The following HNRNPUL1 variants were observed in gnomAD, a reference collection of about 807,000 sequenced individuals.
HNRNPUL1 encodes heterogeneous nuclear ribonucleoprotein U-like protein 1.
A neutral mutation model predicts 108.5 loss-of-function variants in HNRNPUL1; 14 were observed. The observed-to-expected ratio is 0.13, with a 90% CI of 0.09 to 0.20. The LOEUF is 0.20. Ranked by LOEUF, HNRNPUL1 falls within the 10% of genes least tolerant of loss-of-function variation. HNRNPUL1 has a pLI of 1.00. For synonymous variants in HNRNPUL1, 422 were observed against 445.2 expected (o/e 0.95, Z 0.66); for missense variants, 804 against 1,168.3 (o/e 0.69, Z 4.55).
Position 41,294,758 on chromosome 19 carries a change from G to T in HNRNPUL1, c.1518+72G>T. 2 of 1,574,854 alleles carry T rather than the reference G, an allele frequency of 1.3e-6. No homozygotes were observed. Among genetic ancestry groups the T allele is most frequent in the Non-Finnish European group, 1.7e-6 (2 of 1,147,536 alleles). ...CTTGCATGCCTGAGAATCTCCCTCT[G>T]GTCCCTTTCTTTTTTCCCCCGTAAT... On this transcript the variant is annotated intron_variant, in intron 10 of 14. Coordinates refer to ENST00000392006, the MANE Select transcript of HNRNPUL1 (RefSeq NM_007040.6). This position sits in a 1 kb window ranked among gnomAD's most constrained non-coding sequence, Gnocchi z 4.3.
chr19:41,297,481 A>G (rs2036958898), intron 10 of HNRNPUL1, among the ~76,000 whole-genome samples: 1 of 152,214 alleles, frequency 6.6e-6, no homozygotes, highest in Non-Finnish European at 1.5e-5. Flanking sequence ...ACATTGCTTC[A>G]GGTGTCTCTT....
chr19:41,274,816 TAGTA>T (rs2035452667), intron 4 of HNRNPUL1, among the ~76,000 whole-genome samples: 1 of 152,234 alleles, frequency 6.6e-6, no homozygotes, highest in South Asian at 2.1e-4. Context: ...CTACATGCTT[TAGTA>T]AGAGATAAAA....
chr19:41,304,426 C>G lies in HNRNPUL1; in HGVS notation c.2262+165C>G, dbSNP rs1032534933. Among the ~76,000 whole-genome samples, 5 of 152,272 alleles carry G rather than the reference C, an allele frequency of 3.3e-5. No individual in the cohort carries two copies. The East Asian group carries it at 9.7e-4, about 29-fold the overall frequency. On this transcript the variant is annotated intron_variant, in intron 13 of 14. Coordinates refer to ENST00000392006, the MANE Select transcript of HNRNPUL1 (RefSeq NM_007040.6). The stretch of plus-strand genomic sequence containing the variant: ...TTTCTCCCTGGCCGTGATCTTGACT[C>G]AGATGGACCCTACACATTCCCAGAT...
chr19:41,272,694 G>A (rs1216190968), intron 3 of HNRNPUL1, among the ~76,000 whole-genome samples: 3 of 152,178 alleles, frequency 2.0e-5, no homozygotes, highest in African/African-American at 7.2e-5. Flanking sequence ...AGTGGGTTTT[G>A]CCTTCTGTTG....
At position 41,274,070 on chromosome 19, in the gene HNRNPUL1, T is replaced by A. The variant is rs1204958030; in HGVS notation, c.646+15T>A. ...TATTGACACCTGTAAGTCTTTGGAG[T>A]GTGCATCTAATTCTGCCTTACAGTC... On this transcript the variant is annotated intron_variant, in intron 4 of 14. Transcript: ENST00000392006. 6.2e-7 allele frequency: 1 copy of A among 1,606,220 alleles called. No homozygotes were observed. Among genetic ancestry groups the A allele is most frequent in the East Asian group, 2.2e-5 (1 of 44,860 alleles).
intron 7 of HNRNPUL1, among the ~76,000 whole-genome samples, chr19:41,289,767 C>T (rs2036475438): frequency 7.5e-6 from 1 of 133,344 alleles, no homozygotes; most frequent in Admixed American, 8.4e-5. Flanking sequence ...GGCTGGAGTG[C>T]TGTGACATGA....
chr19:41,281,182 T>C lies in HNRNPUL1; in HGVS notation c.906T>C (p.Tyr302=), dbSNP rs540686842. ...CGTCAGGCGAAGAGCCTTTCTCCTATGGCTATGGAGGCACTGGGAAGAAGT... is the reference window on the plus strand; with the variant it reads ...CGTCAGGCGAAGAGCCTTTCTCCTACGGCTATGGAGGCACTGGGAAGAAGT... The part of the protein sequence containing the change: ...STQLGEEPFS[Y]GYGGTGKKST... Residue 302 remains tyrosine (Y), a synonymous_variant, in exon 7 of 15, where the codon TAT becomes TAC. Transcript: ENST00000392006. 54 of 1,613,716 alleles carry C rather than the reference T, an allele frequency of 3.3e-5. No individual in the cohort carries two copies. The South Asian group carries it at 4.8e-4, about 14-fold the overall frequency.
chr19:41,264,250 GA>G (rs942821142), upstream of HNRNPUL1: 1 of 373,158 alleles, frequency 2.7e-6, no homozygotes, highest in Non-Finnish European at 4.8e-6. Flanking sequence ...CCGTTGTTTT[GA>G]AAACGGCGCT....
rs2034675363 is a variant in HNRNPUL1, at chr19:41,264,422, G to T, written c.-82G>T. 4.2e-6 allele frequency: 5 copies of T among 1,176,808 alleles called. No homozygotes were observed. The East Asian group carries it at 1.6e-4, about 37-fold the overall frequency. 72.9% of individuals were successfully genotyped at this position (1,176,808 alleles called of 1,614,324 possible). A position where few individuals can be genotyped will look rare whatever the true frequency, so the allele number is the denominator to read the frequency against. On this transcript the variant is annotated 5_prime_UTR_variant, in exon 1 of 15. Transcript: ENST00000392006. Reference sequence around the variant, plus strand: ...GTGGGCCCCCCCCCTTTCCCCCTTCGCCTCCTGACAGGAAAGGTTTAAGGG... The same window carrying T: ...GTGGGCCCCCCCCCTTTCCCCCTTCTCCTCCTGACAGGAAAGGTTTAAGGG...
chr19:41,290,139 C>T (rs955013704), intron 7 of HNRNPUL1, among the ~76,000 whole-genome samples: 6 of 152,108 alleles, frequency 3.9e-5, no homozygotes, highest in Admixed American at 1.3e-4. Context: ...GTGCTTCTGT[C>T]GCTTCTTGAA....
intron 13 of HNRNPUL1, among the ~76,000 whole-genome samples, chr19:41,304,866 G>A (rs12972266): frequency 0.15 from 22,280 of 152,192 alleles, 1,882 homozygotes; most frequent in East Asian, 0.27. Context: ...GCTGCCAGGA[G>A]ACCAATGGAT....
chr19:41,272,708 C>T (rs1973910715), intron 3 of HNRNPUL1, among the ~76,000 whole-genome samples: 1 of 152,152 alleles, frequency 6.6e-6, no homozygotes, highest in South Asian at 2.1e-4. Context: ...TCTGTTGTTC[C>T]AGTGTGGGGA....
intron 1 of HNRNPUL1, among the ~76,000 whole-genome samples, chr19:41,267,895 T>C (rs756242428): frequency 2.0e-5 from 3 of 152,256 alleles, no homozygotes; most frequent in Non-Finnish European, 4.4e-5. Flanking sequence ...ATTACCTGTG[T>C]ATCCTTTGAA....
intron 6 of HNRNPUL1, 63 bp from the exon 7 acceptor site, chr19:41,281,100 C>A: frequency 2.1e-6 from 2 of 959,398 alleles, no homozygotes; most frequent in Non-Finnish European, 1.7e-6. Flanking sequence ...AAGTATGTGG[C>A]AGCCATTGAG....
chr19:41,301,821 T>C (rs1599852162), intron 11 of HNRNPUL1, 117 bp downstream of exon 11: 2 of 925,724 alleles, frequency 2.2e-6, no homozygotes. Flanking sequence ...TCTTACTCTT[T>C]CTTTGCTTCT....
In HNRNPUL1 at chr19:41,282,285, C is replaced by T. The variant is rs565774545; in HGVS notation, c.999+1010C>T. ...ACAATCTCCGCCTCCTGGGTTCAAG[C>T]GATTCTCCTGCCTCAGCCCCCTGAG... On this transcript the variant is annotated intron_variant, in intron 7 of 14. Transcript: ENST00000392006. Among the ~76,000 whole-genome samples the T allele has an allele frequency of 8.5e-5, 13 of 152,198 alleles. No homozygotes were observed. In the South Asian group the frequency reaches 1.5e-3, roughly 17 times the overall value.
At chr19:41,286,143 T>G (rs1053907483) in intron 7 of HNRNPUL1, among the ~76,000 whole-genome samples, 4 of 151,772 alleles carry the variant, frequency 2.6e-5, no homozygotes, top group Non-Finnish European at 5.9e-5. Flanking sequence ...TAGGCTAGTG[T>G]CTACAATTTT....
chr19:41,275,992 A>T (rs867875500), intron 4 of HNRNPUL1, among the ~76,000 whole-genome samples, 167 bp from the exon 5 acceptor site: 3 of 152,190 alleles, frequency 2.0e-5, no homozygotes, highest in Middle Eastern at 3.4e-3. Context: ...AATCCCAGCT[A>T]CTCAGGAAGC....
chr19:41,304,293 G>A, intron 13 of HNRNPUL1, 32 bp downstream of exon 13: 2 of 1,556,434 alleles, frequency 1.3e-6, no homozygotes, highest in Non-Finnish European at 1.7e-6. Context: ...TGTATGTAGT[G>A]ATCGCACGTG....
Sources: allele counts gnomAD v4.1 joint callset (sites outside exome capture counted in the v4.1 genomes callset), GRCh38; gene constraint gnomAD v4.1.1; non-coding constraint Gnocchi (gnomAD v3.1); transcripts MANE v1.5; gene names NCBI Gene and HGNC (gene_info 2026-07-23, HGNC 2026-07-21).